PIWIL2: variants seen among roughly 807,000 people sequenced by gnomAD.
PIWIL2 encodes the protein piwi like RNA-mediated gene silencing 2.
A neutral mutation model predicts 116.5 loss-of-function variants in PIWIL2; 81 were observed. That is an observed-to-expected ratio of 0.70 (90% confidence interval 0.58 to 0.84). PIWIL2 has a LOEUF of 0.84. Ranked by LOEUF, PIWIL2 falls within the 40% of genes least tolerant of loss-of-function variation. The pLI is 0.00. For missense variants in PIWIL2, 1,272 were observed against 1,212.3 expected, an observed-to-expected ratio of 1.05 and a Z score of -0.73; for synonymous variants, 489 against 429.5, an observed-to-expected ratio of 1.14 and a Z score of -1.71.
At chr8:22,298,400 A>T (rs1178313469) in intron 10 of PIWIL2, among the ~76,000 whole-genome samples, 3 of 152,244 alleles carry the variant, frequency 2.0e-5, no homozygotes, top group African/African-American at 7.2e-5. Context: ...TATTTTACGT[A>T]AGGAAGTAAG....
At position 22,289,967 on chromosome 8, in the gene PIWIL2, G is replaced by A. The variant is rs763947391; in HGVS notation, c.1067+40G>A. ...CCCTTCCCTCACTTTTGAATGTTCT[G>A]GAAAGAAAGTTTCCATTACAACCAT... is the stretch of plus-strand genomic sequence containing the variant. On this transcript the variant is annotated intron_variant, in intron 9 of 22. Coordinates refer to ENST00000356766, the MANE Select transcript of PIWIL2 (RefSeq NM_018068.5). 4 of 1,335,028 alleles carry A rather than the reference G, an allele frequency of 3.0e-6. No homozygotes were observed. In the South Asian group the frequency reaches 4.8e-5, roughly 16 times the overall value. The allele number at this position is 1,335,028 out of a possible 1,614,324, so 82.7% of individuals were successfully genotyped here. A position where few individuals can be genotyped will look rare whatever the true frequency, so the allele number is the denominator to read the frequency against.
At chr8:22,299,614 T>C (rs563193074) in intron 10 of PIWIL2, among the ~76,000 whole-genome samples, 61 of 152,376 alleles carry the variant, frequency 4.0e-4, no homozygotes, top group African/African-American at 1.4e-3. Context: ...TAATTTCTTT[T>C]TTTCAGATGT....
rs140159733 is a variant in PIWIL2 at position 22,355,614 on chromosome 8, C to T, written c.*109C>T. 7 of 967,590 alleles carry T rather than the reference C, an allele frequency of 7.2e-6. No individual in the cohort carries two copies. The highest frequency in any genetic ancestry group is 4.9e-5 in the African/African-American group (3 of 61,548). 59.9% of individuals were successfully genotyped at this position (967,590 alleles called of 1,614,324 possible). The stretch of plus-strand genomic sequence containing the variant: ...AGTGGGCTTTTGTGTTATAATTTTC[C>T]CTTTCTCCAACCCTGTAGAATAAGA... On this transcript the variant is annotated 3_prime_UTR_variant, in exon 23 of 23. Transcript: ENST00000356766.
At chr8:22,319,047 C>A (rs1378110303) in intron 20 of PIWIL2, among the ~76,000 whole-genome samples, 1 of 152,202 alleles carries the variant, frequency 6.6e-6, no homozygotes, top group Non-Finnish European at 1.5e-5. Context: ...TAAGCTGATA[C>A]TGGATCTAGA....
At chr8:22,336,661 A>T (rs1394682217) in intron 20 of PIWIL2, among the ~76,000 whole-genome samples, 1 of 152,054 alleles carries the variant, frequency 6.6e-6, no homozygotes, top group Non-Finnish European at 1.5e-5. Flanking sequence ...AGTTACAGGT[A>T]CTCCGGAGGC....
chr8:22,303,973 G>T lies in PIWIL2; in HGVS notation c.1182-48G>T, dbSNP rs1427827687. On this transcript the variant is annotated intron_variant, in intron 10 of 22. Coordinates refer to ENST00000356766, the MANE Select transcript of PIWIL2 (RefSeq NM_018068.5). ...CTTGATCCCCTATCCCTTTCATACT[G>T]TTCTGGATATATACTGTGATCCAAA... 7.0e-6 allele frequency: 9 copies of T among 1,286,334 alleles called. No individual in the cohort carries two copies. The South Asian group carries it at 1.1e-4, about 15-fold the overall frequency. The allele number at this position is 1,286,334 out of a possible 1,614,324, so 79.7% of individuals were successfully genotyped here.
intron 10 of PIWIL2, among the ~76,000 whole-genome samples, chr8:22,298,076 G>A (rs1196965630): frequency 6.6e-6 from 1 of 152,056 alleles, no homozygotes; most frequent in African/African-American, 2.4e-5. Flanking sequence ...GGGCAACATG[G>A]CAAAATCCTG....
intron 10 of PIWIL2, among the ~76,000 whole-genome samples, chr8:22,292,243 C>T (rs1250271216): frequency 2.0e-5 from 3 of 152,276 alleles, no homozygotes; most frequent in African/African-American, 7.2e-5. Flanking sequence ...AAATGCAGGA[C>T]TTTGAGCAGT....
intron 20 of PIWIL2, among the ~76,000 whole-genome samples, chr8:22,336,304 A>G (rs1050259584): frequency 1.3e-5 from 2 of 152,206 alleles, no homozygotes; most frequent in African/African-American, 2.4e-5. Context: ...CCACAATAGA[A>G]TGAAATTTGA....
chr8:22,316,093 A>G lies in PIWIL2; in HGVS notation c.2209-152A>G. 6.8e-6 allele frequency: 4 copies of G among 589,008 alleles called. No homozygotes were observed. In the South Asian group the frequency reaches 8.4e-5, roughly 12 times the overall value. The allele number at this position is 589,008 out of a possible 1,614,324, so 36.5% of individuals were successfully genotyped here. A position where few individuals can be genotyped will look rare whatever the true frequency, so the allele number is the denominator to read the frequency against. ...GTGCTTATTGTGTTTAAAAAATGTCAAGTTGATTGTCTTTTTTTTTTCTTT... is the reference window on the plus strand; with the variant it reads ...GTGCTTATTGTGTTTAAAAAATGTCGAGTTGATTGTCTTTTTTTTTTCTTT... On this transcript the variant is annotated intron_variant, in intron 18 of 22. Coordinates refer to ENST00000356766, the MANE Select transcript of PIWIL2 (RefSeq NM_018068.5).
At chr8:22,285,582 G>T (rs1830610925) in intron 6 of PIWIL2, among the ~76,000 whole-genome samples, 1 of 152,102 alleles carries the variant, frequency 6.6e-6, no homozygotes, top group African/African-American at 2.4e-5. Context: ...ATACCAAGAA[G>T]TGGGATTGTT....
intron 22 of PIWIL2, 58 bp downstream of exon 22, chr8:22,354,436 A>G: frequency 9.4e-7 from 1 of 1,067,922 alleles, no homozygotes. Context: ...CCTGCTAGCT[A>G]AGATGGGCTC....
chr8:22,284,141 C>G (rs1177300504), intron 5 of PIWIL2, 21 bp from the exon 6 acceptor site: 15 of 1,392,526 alleles, frequency 1.1e-5, no homozygotes, highest in Non-Finnish European at 1.4e-5. Flanking sequence ...TATGCAGTTG[C>G]TTTTTGTTTT....
chr8:22,307,434 AAGAG>A (rs1417087495), intron 13 of PIWIL2, among the ~76,000 whole-genome samples: 9 of 151,688 alleles, frequency 5.9e-5, no homozygotes, highest in East Asian at 3.9e-4. Flanking sequence ...CACATCATGA[AAGAG>A]AGAGTCGATG....
At chr8:22,324,327 T>C (rs973838505) in intron 20 of PIWIL2, among the ~76,000 whole-genome samples, 4 of 152,118 alleles carry the variant, frequency 2.6e-5, no homozygotes, top group South Asian at 2.1e-4. Context: ...TCCTCAGATA[T>C]CATTCTTCCT....
intron 10 of PIWIL2, among the ~76,000 whole-genome samples, chr8:22,303,531 G>A (rs555978521): frequency 6.6e-6 from 1 of 152,072 alleles, no homozygotes; most frequent in South Asian, 2.1e-4. Context: ...GAGTATCTGG[G>A]ACTACAAGGT....
At chr8:22,300,666 G>A (rs1378260184) in intron 10 of PIWIL2, among the ~76,000 whole-genome samples, 1 of 152,186 alleles carries the variant, frequency 6.6e-6, no homozygotes, top group Non-Finnish European at 1.5e-5. Context: ...AATACTTGGT[G>A]TAGTCAGTCT....
chr8:22,337,264 C>T (rs541646611), intron 20 of PIWIL2, among the ~76,000 whole-genome samples: 2 of 152,140 alleles, frequency 1.3e-5, no homozygotes, highest in Non-Finnish European at 2.9e-5. Flanking sequence ...GAAGAGTACA[C>T]ACACACACAC....
chr8:22,318,566 C>T (rs957701505), intron 20 of PIWIL2, among the ~76,000 whole-genome samples: 2 of 152,172 alleles, frequency 1.3e-5, no homozygotes, highest in Non-Finnish European at 2.9e-5. Flanking sequence ...GATCTGCCTG[C>T]CTGGGCCTCC....
Sources: gnomAD v4.1 joint callset for allele counts (sites outside exome capture counted in the v4.1 genomes callset) on GRCh38, gnomAD v4.1.1 for gene constraint, MANE v1.5 for transcripts, NCBI Gene and HGNC (gene_info 2026-07-23, HGNC 2026-07-21) for gene names.